The following AMMECR1 variants were observed in gnomAD, a reference collection of about 807,000 sequenced individuals.
The protein encoded by AMMECR1 is AMMECR nuclear protein 1.
A neutral mutation model predicts 22.5 loss-of-function variants in AMMECR1; 3 were observed. The observed-to-expected ratio is 0.13, with a 90% CI of 0.06 to 0.35. The LOEUF (loss-of-function observed/expected upper bound fraction) is 0.35, where lower values mean the gene tolerates loss of function less well. AMMECR1 is among the 10% of genes least tolerant of loss of function. The pLI, the probability that AMMECR1 is intolerant of heterozygous loss-of-function variation, is 1.00. For synonymous variants in AMMECR1, 130 were observed against 116.7 expected (o/e 1.11, Z -0.74); for missense variants, 235 against 278.7 (o/e 0.84, Z 1.12).
chrX:110,245,705 C>T (rs1252107520), intron 2 of AMMECR1, among the ~76,000 whole-genome samples: 7 of 110,026 alleles, frequency 6.4e-5, no homozygotes, highest in Non-Finnish European at 1.3e-4. Flanking sequence ...TTGTATCAAG[C>T]AGAATCAAGC....
intron 2 of AMMECR1, among the ~76,000 whole-genome samples, chrX:110,223,254 T>C (rs1344953544): frequency 1.8e-5 from 2 of 112,837 alleles, no homozygotes; most frequent in African/African-American, 3.2e-5. Context: ...GCAGAGTTTC[T>C]AGATTTACTC....
intron 2 of AMMECR1, among the ~76,000 whole-genome samples, chrX:110,233,473 C>T (rs1214950857): frequency 8.9e-6 from 1 of 112,330 alleles, no homozygotes; most frequent in East Asian, 2.8e-4. Context: ...TCCTCCCTAA[C>T]TCATCTTATG....
chrX:110,384,078 T>C lies in AMMECR1; in HGVS notation c.-148+42580A>G, dbSNP rs1014084969. On this transcript the variant is annotated intron_variant, in intron 2 of 7. Transcript: ENST00000372057. ...CTTCTATTGTTTTATTGTTATCGTA[T>C]ATATAACCTACTTGTATATGTAATA... is the stretch of plus-strand genomic sequence containing the variant. 6.2e-5 allele frequency among the ~76,000 whole-genome samples: 7 copies of C among 112,244 alleles called. 1 individual carries two copies. In the Admixed American group the frequency reaches 6.6e-4, roughly 11 times the overall value.
intron 2 of AMMECR1, among the ~76,000 whole-genome samples, chrX:110,235,911 T>A (rs2067598275): frequency 1.8e-5 from 2 of 110,477 alleles, no homozygotes; most frequent in African/African-American, 6.6e-5. Flanking sequence ...TATATACCTA[T>A]GTATCAAACC....
chrX:110,343,304 A>G (rs181113649), intron 2 of AMMECR1, among the ~76,000 whole-genome samples: 105 of 112,093 alleles, frequency 9.4e-4, no homozygotes, highest in Non-Finnish European at 1.7e-3. Flanking sequence ...CCGTCATGCT[A>G]AAAACTCTCA....
intron 2 of AMMECR1, among the ~76,000 whole-genome samples, chrX:110,363,087 C>T (rs905818485): frequency 3.6e-5 from 4 of 111,800 alleles, no homozygotes; most frequent in African/African-American, 1.3e-4. Flanking sequence ...TTACCATATG[C>T]CATGCAGCAC....
chrX:110,323,486 A>G (rs917800410), intron 2 of AMMECR1, among the ~76,000 whole-genome samples: 2 of 112,025 alleles, frequency 1.8e-5, no homozygotes, highest in African/African-American at 6.5e-5. Flanking sequence ...AGCATTTCAT[A>G]TACATGGAAT....
chrX:110,279,919 A>G (rs773944027), intron 1 of AMMECR1, among the ~76,000 whole-genome samples: 1 of 112,110 alleles, frequency 8.9e-6, no homozygotes, highest in East Asian at 2.8e-4. Context: ...TCATTTTAAA[A>G]TTAAAATTGT....
intron 5 of AMMECR1, among the ~76,000 whole-genome samples, chrX:110,199,542 C>T (rs1050357366): frequency 9.0e-6 from 1 of 110,884 alleles, no homozygotes; most frequent in Non-Finnish European, 1.9e-5. Flanking sequence ...AATCCAAAAT[C>T]GATGCATAAA....
intron 2 of AMMECR1, among the ~76,000 whole-genome samples, chrX:110,338,117 G>A (rs2068148006): frequency 8.9e-6 from 1 of 112,171 alleles, no homozygotes; most frequent in Admixed American, 9.4e-5. Context: ...AGTTGTACAA[G>A]ATGAAAAGGG....
At chrX:110,227,392 G>A (rs1318499639) in intron 2 of AMMECR1, among the ~76,000 whole-genome samples, 1 of 111,492 alleles carries the variant, frequency 9.0e-6, no homozygotes, top group Non-Finnish European at 1.9e-5. Context: ...GTCACTGATC[G>A]GGGACTAAAG....
intron 1 of AMMECR1, among the ~76,000 whole-genome samples, chrX:110,432,187 C>T (rs2068801992): frequency 8.9e-6 from 1 of 112,299 alleles, no homozygotes; most frequent in African/African-American, 3.2e-5. Flanking sequence ...TAGGCTCGCT[C>T]TTGCCAGGAG....
At chrX:110,255,241 C>T (rs991083912) in intron 2 of AMMECR1, among the ~76,000 whole-genome samples, 2 of 111,716 alleles carry the variant, frequency 1.8e-5, no homozygotes, top group Non-Finnish European at 3.8e-5. Context: ...GGTACTGATT[C>T]GCCCACGTGC....
intron 2 of AMMECR1, among the ~76,000 whole-genome samples, chrX:110,416,005 G>A (rs1454333437): frequency 8.8e-5 from 8 of 90,583 alleles, no homozygotes; most frequent in Non-Finnish European, 1.7e-4. Context: ...CCCAGAAGAG[G>A]CAAAAAAAAA....
upstream of AMMECR1, among the ~76,000 whole-genome samples, chrX:110,321,123 C>A (rs1313293643): frequency 8.9e-6 from 1 of 111,818 alleles, no homozygotes; most frequent in Non-Finnish European, 1.9e-5. Context: ...AGAACAAATT[C>A]TGTGAAAAAA....
chrX:110,334,743 A>G (rs2068134548), intron 2 of AMMECR1, among the ~76,000 whole-genome samples: 1 of 112,133 alleles, frequency 8.9e-6, no homozygotes, highest in Non-Finnish European at 1.9e-5. Context: ...TTTACTGAGG[A>G]CAGTGTTATT....
chrX:110,394,007 G>T (rs760453351), intron 2 of AMMECR1, among the ~76,000 whole-genome samples: 1 of 112,615 alleles, frequency 8.9e-6, no homozygotes, highest in African/African-American at 3.2e-5. Flanking sequence ...TGATTCTTCT[G>T]GAACTGCTGG....
intron 2 of AMMECR1, among the ~76,000 whole-genome samples, chrX:110,340,002 A>C (rs1440290889): frequency 9.2e-6 from 1 of 108,993 alleles, no homozygotes; most frequent in Non-Finnish European, 1.9e-5. Flanking sequence ...ACACACACAC[A>C]CACACACACA....
intron 2 of AMMECR1, among the ~76,000 whole-genome samples, chrX:110,258,870 C>T (rs2067724080): frequency 9.0e-6 from 1 of 111,482 alleles, no homozygotes; most frequent in Non-Finnish European, 1.9e-5. Flanking sequence ...TAAGTGTTCA[C>T]AATGAGCCTA....
Sources: allele counts gnomAD v4.1 joint callset (sites outside exome capture counted in the v4.1 genomes callset), GRCh38; gene constraint gnomAD v4.1.1; transcripts MANE v1.5; gene names NCBI Gene and HGNC (gene_info 2026-07-23, HGNC 2026-07-21).